THSD7B: variants seen among roughly 807,000 people sequenced by gnomAD.
THSD7B encodes the protein thrombospondin type 1 domain containing 7B.
THSD7B carries 138 observed loss-of-function variants against 213.6 expected under a neutral mutation model. That is an observed-to-expected ratio of 0.65 (90% CI 0.56 to 0.74). The LOEUF (loss-of-function observed/expected upper bound fraction) is 0.74, where lower values mean the gene tolerates loss of function less well. Ranked by LOEUF, THSD7B falls within the 30% of genes least tolerant of loss-of-function variation. THSD7B has a pLI of 0.00. For synonymous variants in THSD7B, 742 were observed against 687.0 expected, an observed-to-expected ratio of 1.08 and a Z score of -1.25; for missense variants, 1,931 against 1,991.5, an observed-to-expected ratio of 0.97 and a Z score of 0.58.
At chr2:137,218,946 G>A (rs1573893549) in intron 7 of THSD7B, among the ~76,000 whole-genome samples, 1 of 151,092 alleles carries the variant, frequency 6.6e-6, no homozygotes, top group East Asian at 1.9e-4. Flanking sequence ...TGCCTTGTCT[G>A]TGGTATTGTC....
At chr2:137,395,604 G>T (rs1415922059) in intron 12 of THSD7B, among the ~76,000 whole-genome samples, 2 of 152,160 alleles carry the variant, frequency 1.3e-5, no homozygotes, top group African/African-American at 4.8e-5. Context: ...TGTTCTTCAA[G>T]GATATTGGTC....
intron 14 of THSD7B, among the ~76,000 whole-genome samples, chr2:137,437,825 A>G (rs1687325272): frequency 6.6e-6 from 1 of 152,156 alleles, no homozygotes; most frequent in African/African-American, 2.4e-5. Flanking sequence ...TGTATACCAA[A>G]TGTTAATCTT....
At chr2:137,247,208 G>A (rs1421004225) in intron 10 of THSD7B, among the ~76,000 whole-genome samples, 1 of 152,160 alleles carries the variant, frequency 6.6e-6, no homozygotes, top group African/African-American at 2.4e-5. Flanking sequence ...ATTTATATCA[G>A]AGAACCTTTA....
At chr2:137,365,880 C>T (rs1685395374) in intron 12 of THSD7B, among the ~76,000 whole-genome samples, 1 of 152,178 alleles carries the variant, frequency 6.6e-6, no homozygotes, top group Non-Finnish European at 1.5e-5. Flanking sequence ...ACCCAGCCAT[C>T]CCATTACTGG....
chr2:136,913,126 G>A (rs185918651), intron 2 of THSD7B, among the ~76,000 whole-genome samples: 170 of 152,278 alleles, frequency 1.1e-3, no homozygotes, highest in African/African-American at 4.0e-3. Flanking sequence ...ATGGAAATGA[G>A]GAACTTTTTG....
At chr2:136,932,561 A>T (rs951469796) in intron 2 of THSD7B, among the ~76,000 whole-genome samples, 1 of 152,210 alleles carries the variant, frequency 6.6e-6, no homozygotes, top group Admixed American at 6.5e-5. Flanking sequence ...TTTATATACC[A>T]TATTCTTACA....
At chr2:136,923,366 T>C (rs1487491719) in intron 2 of THSD7B, among the ~76,000 whole-genome samples, 2 of 152,230 alleles carry the variant, frequency 1.3e-5, no homozygotes, top group Non-Finnish European at 2.9e-5. Context: ...GACATCTGGG[T>C]TGCTTCCAAC....
chr2:137,022,053 C>T (rs1351367756), intron 2 of THSD7B, among the ~76,000 whole-genome samples: 1 of 152,118 alleles, frequency 6.6e-6, no homozygotes, highest in Non-Finnish European at 1.5e-5. Flanking sequence ...AGCAATTAAC[C>T]ATGGTAGAGC....
chr2:137,452,671 A>G (rs1687676536), intron 15 of THSD7B, among the ~76,000 whole-genome samples: 4 of 152,198 alleles, frequency 2.6e-5, no homozygotes, highest in African/African-American at 9.6e-5. Flanking sequence ...TATCAAGGGA[A>G]TAAAAGGATT....
intron 15 of THSD7B, among the ~76,000 whole-genome samples, chr2:137,494,159 T>G (rs191483043): frequency 5.3e-5 from 8 of 152,296 alleles, no homozygotes; most frequent in African/African-American, 4.8e-5. Context: ...CTGTGGAAAA[T>G]AGCTTACAAT....
At chr2:137,140,396 CG>C (rs1558935692) in intron 5 of THSD7B, among the ~76,000 whole-genome samples, 1 of 152,034 alleles carries the variant, frequency 6.6e-6, no homozygotes, top group Non-Finnish European at 1.5e-5. Flanking sequence ...TTGAGGGGAA[CG>C]TCTTTCTATG....
chr2:137,338,421 G>C (rs1463742762), intron 12 of THSD7B, among the ~76,000 whole-genome samples: 1 of 151,960 alleles, frequency 6.6e-6, no homozygotes, highest in Non-Finnish European at 1.5e-5. Flanking sequence ...ACTGGCCTCT[G>C]ACTTTCATTG....
At chr2:137,386,526 A>T (rs759994024) in intron 12 of THSD7B, among the ~76,000 whole-genome samples, 3 of 152,200 alleles carry the variant, frequency 2.0e-5, no homozygotes, top group Non-Finnish European at 2.9e-5. Flanking sequence ...TGACCTCTCG[A>T]AATAAATTCT....
At chr2:136,890,102 T>C (rs1683788437) in intron 2 of THSD7B, among the ~76,000 whole-genome samples, 1 of 152,116 alleles carries the variant, frequency 6.6e-6, no homozygotes, top group Non-Finnish European at 1.5e-5. Context: ...TACTGAGAAA[T>C]TTGACGCCAT....
At chr2:136,783,226 T>G (rs1033921503) in intron 1 of THSD7B, among the ~76,000 whole-genome samples, 4 of 152,210 alleles carry the variant, frequency 2.6e-5, no homozygotes, top group African/African-American at 4.8e-5. Context: ...CCCTTATACC[T>G]GCCGTATACC....
chr2:137,231,263 G>A, intron 8 of THSD7B, 28 bp downstream of exon 8: 1 of 1,565,788 alleles, frequency 6.4e-7, no homozygotes, highest in South Asian at 1.2e-5. Flanking sequence ...TTTTCACTTT[G>A]GATTCATTAG....
intron 15 of THSD7B, among the ~76,000 whole-genome samples, chr2:137,495,240 A>G (rs2105127790): frequency 6.6e-6 from 1 of 152,304 alleles, no homozygotes; most frequent in East Asian, 1.9e-4. Context: ...ATACCCAGGA[A>G]AAACTGGCAG....
intron 7 of THSD7B, among the ~76,000 whole-genome samples, chr2:137,223,818 T>C (rs1681431418): frequency 6.6e-6 from 1 of 152,118 alleles, no homozygotes; most frequent in Admixed American, 6.5e-5. Flanking sequence ...GACTGGAACA[T>C]GGAGGCGGAT....
intron 17 of THSD7B, among the ~76,000 whole-genome samples, chr2:137,583,770 C>T (rs1332287329): frequency 5.3e-5 from 8 of 152,210 alleles, no homozygotes; most frequent in Middle Eastern, 3.4e-3. Context: ...AGTCAGGTAA[C>T]GTGATGCCTC....
Sources: allele counts gnomAD v4.1 joint callset (sites outside exome capture counted in the v4.1 genomes callset), GRCh38; gene constraint gnomAD v4.1.1; transcripts MANE v1.5; gene names NCBI Gene and HGNC (gene_info 2026-07-23, HGNC 2026-07-21).